Variants in SENP6 observed in about 807,000 individuals in gnomAD.
The protein encoded by SENP6 is SUMO specific peptidase 6.
Under a neutral mutation model 134.5 loss-of-function variants are expected in SENP6, and 41 were observed. The observed-to-expected ratio is 0.30, with a 90% CI of 0.24 to 0.40. SENP6 has a LOEUF of 0.40. Ranked by LOEUF, SENP6 falls within the 10% of genes least tolerant of loss-of-function variation. The pLI, the probability that SENP6 is intolerant of heterozygous loss-of-function variation, is 1.00. For synonymous variants in SENP6, 395 were observed against 429.8 expected, an observed-to-expected ratio of 0.92 and a Z score of 1.00; for missense variants, 1,248 against 1,312.5, an observed-to-expected ratio of 0.95 and a Z score of 0.76.
intron 1 of SENP6, among the ~76,000 whole-genome samples, chr6:75,615,147 T>TC (rs1177670702): frequency 6.6e-6 from 1 of 152,154 alleles, no homozygotes; most frequent in Middle Eastern, 3.2e-3. Flanking sequence ...CACCTTGGCC[T>TC]CCCAAAGTGC....
chr6:75,664,234 A>T (rs1031976293), intron 9 of SENP6, among the ~76,000 whole-genome samples: 1 of 151,912 alleles, frequency 6.6e-6, no homozygotes, highest in African/African-American at 2.4e-5. Flanking sequence ...AAGTGTAGCC[A>T]GGGCAATATA....
At chr6:75,607,301 CA>C (rs113119967) in intron 1 of SENP6, among the ~76,000 whole-genome samples, 172 of 140,850 alleles carry the variant, frequency 1.2e-3, no homozygotes, top group Non-Finnish European at 1.3e-3. Context: ...CCCTGCCACC[CA>C]AAAAAAAAAA....
Position 75,715,993 on chromosome 6 carries a change from G to A in SENP6, c.*399G>A, listed in dbSNP as rs1343415385. 1 of 154,530 alleles carries A rather than the reference G, an allele frequency of 6.5e-6. No individual in the cohort carries two copies. Among genetic ancestry groups the A allele is most frequent in the Non-Finnish European group, 1.4e-5 (1 of 69,470 alleles). The allele number at this position is 154,530 out of a possible 1,614,324, so 9.6% of individuals were successfully genotyped here. A position where few individuals can be genotyped will look rare whatever the true frequency, so the allele number is the denominator to read the frequency against. On this transcript the variant is annotated 3_prime_UTR_variant, in exon 24 of 24. Coordinates refer to ENST00000447266, the MANE Select transcript of SENP6 (RefSeq NM_015571.4). The stretch of plus-strand genomic sequence containing the variant: ...TCATGGGAATATTCAAATATCTATG[G>A]TAATATTTTGACCCTTTATATTTGT...
chr6:75,608,186 T>C (rs1282703077), intron 1 of SENP6, among the ~76,000 whole-genome samples: 1 of 152,156 alleles, frequency 6.6e-6, no homozygotes, highest in Non-Finnish European at 1.5e-5. Context: ...CAAAGTTTAG[T>C]GGGTCATACC....
intron 21 of SENP6, among the ~76,000 whole-genome samples, chr6:75,712,817 AT>A (rs1176148660): frequency 2.0e-5 from 3 of 151,998 alleles, no homozygotes; most frequent in East Asian, 1.9e-4. Flanking sequence ...TAAAAATGAG[AT>A]TTTTGGTTGG....
chr6:75,695,325 C>G (rs1042480071), intron 16 of SENP6, among the ~76,000 whole-genome samples: 8 of 152,194 alleles, frequency 5.3e-5, no homozygotes, highest in African/African-American at 1.9e-4. Context: ...TTTCAAATAG[C>G]AATTTTCATT....
At chr6:75,677,531 T>A (rs1773174699) in intron 14 of SENP6, 2 of 265,148 alleles carry the variant, frequency 7.5e-6, no homozygotes, top group Non-Finnish European at 1.4e-5. Context: ...GTCATCCTTT[T>A]TTCTTTATAC....
intron 7 of SENP6, among the ~76,000 whole-genome samples, chr6:75,659,034 G>C (rs77137137): frequency 0.021 from 3,051 of 148,450 alleles, 112 homozygotes; most frequent in African/African-American, 0.071. Context: ...GTTAGGCACA[G>C]GAAGGGCTTC....
chr6:75,672,888 C>T lies in SENP6; in HGVS notation c.1392+2168C>T, dbSNP rs568663024. Among the ~76,000 whole-genome samples the T allele has an allele frequency of 6.0e-4, 92 of 152,138 alleles. 1 individual carries two copies. Among genetic ancestry groups the T allele is most frequent in the Middle Eastern group, 3.4e-3 (1 of 292 alleles). On this transcript the variant is annotated intron_variant, in intron 11 of 23. Coordinates refer to ENST00000447266, the MANE Select transcript of SENP6 (RefSeq NM_015571.4). ...TGTTGCCCAGGCTGGAGTGCAGTGG[C>T]GCAATCTCGGCTCACTGCAAGCTCC...
At position 75,695,824 on chromosome 6, in the gene SENP6, TGAA is replaced by T. The variant is rs752977312; in HGVS notation, c.2101_2103del (p.Lys701del). The T allele has an allele frequency of 6.3e-6, 10 of 1,595,156 alleles. No homozygotes were observed. Among genetic ancestry groups the T allele is most frequent in the South Asian group, 2.3e-5 (2 of 86,970 alleles). ...AATAGATACTTGGTGCTTGAAAAACTGAAGAAGGAAGACGCTGACCGAATTCAT... is the reference window on the plus strand; with the variant it reads ...AATAGATACTTGGTGCTTGAAAAACTGAAGGAAGACGCTGACCGAATTCAT... On this transcript the variant is annotated inframe_deletion, in exon 17 of 24. Transcript: ENST00000447266.
chr6:75,644,659 A>G (rs899904319), intron 6 of SENP6, among the ~76,000 whole-genome samples: 1 of 151,894 alleles, frequency 6.6e-6, no homozygotes, highest in East Asian at 1.9e-4. Context: ...TGATTTTTGT[A>G]TTTTTAGTAG....
intron 1 of SENP6, chr6:75,620,738 T>A (rs1768209555): frequency 6.6e-6 from 1 of 152,264 alleles, no homozygotes; most frequent in African/African-American, 2.4e-5. Flanking sequence ...CACTGCCTCT[T>A]CAGTGAGTTT....
intron 2 of SENP6, chr6:75,622,866 T>C (rs1455008817): frequency 6.6e-6 from 8 of 1,215,580 alleles, no homozygotes; most frequent in Non-Finnish European, 7.6e-6. Flanking sequence ...CTGGTAAGTC[T>C]CTCATTTAAA....
chr6:75,689,684 G>C (rs1774102087), intron 16 of SENP6, among the ~76,000 whole-genome samples: 1 of 152,134 alleles, frequency 6.6e-6, no homozygotes, highest in Non-Finnish European at 1.5e-5. Flanking sequence ...CACACAAATA[G>C]TTTCCATTGT....
At chr6:75,687,345 C>A (rs1266488330) in intron 16 of SENP6, among the ~76,000 whole-genome samples, 1 of 152,170 alleles carries the variant, frequency 6.6e-6, no homozygotes, top group Non-Finnish European at 1.5e-5. Flanking sequence ...GTTCGAACAT[C>A]CTCCTTTAGC....
In SENP6 at chr6:75,633,711, A is replaced by G. The variant is rs761574753; in HGVS notation, c.338A>G (p.Asn113Ser). Reference sequence around the variant, plus strand: ...CCAATTGGACTTAACATGTTGAGCAACAATAAGAAATTGAGGTATAGGCAC... The same window carrying G: ...CCAATTGGACTTAACATGTTGAGCAGCAATAAGAAATTGAGGTATAGGCAC... Reference protein sequence around the residue: ...GNPIGLNMLSNNKKLSENTQN... With the variant: ...GNPIGLNMLSSNKKLSENTQN... The change falls in exon 4 of 24, where the codon AAC becomes AGC. Residue 113 changes from asparagine to serine, a missense_variant. Asn to Ser is a conservative substitution (Grantham distance 46). Transcript: ENST00000447266. 2.2e-5 allele frequency: 36 copies of G among 1,605,898 alleles called. No individual in the cohort carries two copies. Among genetic ancestry groups the G allele is most frequent in the Admixed American group, 3.4e-5 (2 of 58,044 alleles).
intron 19 of SENP6, among the ~76,000 whole-genome samples, chr6:75,703,418 A>G (rs1775178717): frequency 6.6e-6 from 1 of 152,188 alleles, no homozygotes; most frequent in Non-Finnish European, 1.5e-5. Flanking sequence ...TGTAGCTTGA[A>G]CTTTGATAAA....
intron 3 of SENP6, among the ~76,000 whole-genome samples, chr6:75,625,292 T>C (rs1200200211): frequency 1.3e-5 from 2 of 151,786 alleles, no homozygotes; most frequent in African/African-American, 4.8e-5. Context: ...TTTTTTTATT[T>C]TTATTAGAGA....
At chr6:75,643,206 A>C (rs1384973994) in intron 6 of SENP6, among the ~76,000 whole-genome samples, 1 of 152,242 alleles carries the variant, frequency 6.6e-6, no homozygotes, top group Non-Finnish European at 1.5e-5. Context: ...ATAAAAAGTA[A>C]TAGAGTAAAA....
Sources: allele counts gnomAD v4.1 joint callset (sites outside exome capture counted in the v4.1 genomes callset), GRCh38; gene constraint gnomAD v4.1.1; transcripts MANE v1.5; gene names NCBI Gene and HGNC (gene_info 2026-07-23, HGNC 2026-07-21).